Variants in CCNY observed in about 807,000 individuals in gnomAD.
The protein encoded by CCNY is cyclin Y.
CCNY carries 19 observed loss-of-function variants against 42.8 expected under a neutral mutation model. That is an observed-to-expected ratio of 0.44 (90% CI 0.31 to 0.65). CCNY has a LOEUF of 0.65. Among genes scored for constraint, CCNY ranks in the 30% least tolerant of loss-of-function variants. The probability of loss-of-function intolerance (pLI) is 0.07; values close to 1 mark genes in which losing one functional copy is unlikely to be tolerated. For synonymous variants in CCNY, 165 were observed against 162.7 expected (o/e 1.01, Z -0.11); for missense variants, 370 against 437.3 (o/e 0.85, Z 1.37).
chr10:35,397,754 G>C (rs1438554562), intron 1 of CCNY, among the ~76,000 whole-genome samples: 3 of 152,152 alleles, frequency 2.0e-5, no homozygotes, highest in Non-Finnish European at 4.4e-5. Context: ...TATCAGAAAT[G>C]GCCCCAGCTG....
In CCNY at chr10:35,323,934, C is replaced by T. The variant is rs541038628; in HGVS notation, c.-9+73308C>T. Reference sequence around the variant, plus strand: ...ACTCAGGAGGCTGATATAGGAGAATCGCTTGAACCTAGGAGGCAGAGGTTG... The same window carrying T: ...ACTCAGGAGGCTGATATAGGAGAATTGCTTGAACCTAGGAGGCAGAGGTTG... On this transcript the variant is annotated intron_variant, in intron 3 of 11. Transcript: ENST00000374706. Among the ~76,000 whole-genome samples, 6 of 151,762 alleles carry T rather than the reference C, an allele frequency of 4.0e-5. No homozygotes were observed. The East Asian group carries it at 7.7e-4, about 20-fold the overall frequency.
intron 3 of CCNY, among the ~76,000 whole-genome samples, chr10:35,268,540 C>T (rs1388524744): frequency 6.6e-6 from 1 of 152,158 alleles, no homozygotes; most frequent in Non-Finnish European, 1.5e-5. Flanking sequence ...GTGCTGGTGG[C>T]CCCACAAGTC....
intron 1 of CCNY, among the ~76,000 whole-genome samples, chr10:35,476,062 A>T (rs535417733): frequency 7.9e-5 from 12 of 152,360 alleles, no homozygotes; most frequent in Non-Finnish European, 1.2e-4. Flanking sequence ...TGGTAAAGGG[A>T]TCAATTCAAC....
At chr10:35,331,318 A>G (rs1450113611) in intron 3 of CCNY, among the ~76,000 whole-genome samples, 1 of 152,182 alleles carries the variant, frequency 6.6e-6, no homozygotes, top group Non-Finnish European at 1.5e-5. Flanking sequence ...AGGATCCCAC[A>G]TATATATACC....
chr10:35,397,409 C>T (rs895185239), intron 1 of CCNY, among the ~76,000 whole-genome samples: 2 of 152,212 alleles, frequency 1.3e-5, no homozygotes, highest in Non-Finnish European at 2.9e-5. Context: ...CTCTTGCTTC[C>T]TTCCCCCCTT....
intron 1 of CCNY, among the ~76,000 whole-genome samples, chr10:35,376,340 T>C (rs1376055532): frequency 1.3e-5 from 2 of 152,178 alleles, no homozygotes; most frequent in African/African-American, 4.8e-5. Flanking sequence ...TGAAAACATG[T>C]TTATACAAAA....
intron 1 of CCNY, among the ~76,000 whole-genome samples, chr10:35,422,075 A>G (rs1838170115): frequency 1.3e-5 from 2 of 152,182 alleles, no homozygotes; most frequent in Admixed American, 6.5e-5. Context: ...GCTATTCTAT[A>G]TTCTTTTTAA....
At chr10:35,395,942 G>T (rs937793246) in intron 1 of CCNY, among the ~76,000 whole-genome samples, 1 of 152,018 alleles carries the variant, frequency 6.6e-6, no homozygotes, top group South Asian at 2.1e-4. Flanking sequence ...CCCAGTGTGC[G>T]GGTGTTGTGG....
At chr10:35,516,489 T>TA in intron 3 of CCNY, 34 bp from the exon 4 acceptor site, 1 of 1,425,790 alleles carries the variant, frequency 7.0e-7, no homozygotes, top group South Asian at 1.1e-5. Context: ...GAGCCCTGTG[T>TA]AATTGCCTTA....
intron 1 of CCNY, among the ~76,000 whole-genome samples, chr10:35,372,383 G>T (rs1396866533): frequency 1.3e-5 from 2 of 152,212 alleles, no homozygotes; most frequent in Non-Finnish European, 2.9e-5. Context: ...GTCTTCTGTG[G>T]TCTTAGTCCT....
chr10:35,451,794 A>G (rs1056973438), intron 1 of CCNY, among the ~76,000 whole-genome samples: 9 of 152,102 alleles, frequency 5.9e-5, no homozygotes, highest in African/African-American at 2.2e-4. Context: ...CCAGCAGGTC[A>G]TTACCACCTC....
At chr10:35,482,002 A>T (rs901882784) in intron 1 of CCNY, among the ~76,000 whole-genome samples, 3 of 152,234 alleles carry the variant, frequency 2.0e-5, no homozygotes, top group Non-Finnish European at 4.4e-5. Flanking sequence ...ATAATACAAG[A>T]AGGATCAGAT....
intron 1 of CCNY, among the ~76,000 whole-genome samples, chr10:35,369,822 TAG>T (rs1836889474): frequency 6.6e-6 from 1 of 152,244 alleles, no homozygotes; most frequent in African/African-American, 2.4e-5. Context: ...ATATTTTTAT[TAG>T]AGGTGACCAA....
At chr10:35,253,669 A>G (rs1199803785) in intron 3 of CCNY, among the ~76,000 whole-genome samples, 1 of 151,624 alleles carries the variant, frequency 6.6e-6, no homozygotes, top group African/African-American at 2.4e-5. Context: ...ATTCTCAATT[A>G]TATTTATTCC....
intron 3 of CCNY, among the ~76,000 whole-genome samples, chr10:35,273,362 C>T (rs942394488): frequency 3.3e-5 from 5 of 151,960 alleles, no homozygotes; most frequent in African/African-American, 7.3e-5. Context: ...CCACCATGCC[C>T]GGCTCATTTT....
At chr10:35,522,718 T>G (rs1226712341) in intron 4 of CCNY, among the ~76,000 whole-genome samples, 1 of 152,208 alleles carries the variant, frequency 6.6e-6, no homozygotes, top group Non-Finnish European at 1.5e-5. Flanking sequence ...AGGATGATGG[T>G]TGATTACCAA....
chr10:35,409,913 A>G (rs1837866892), intron 1 of CCNY, among the ~76,000 whole-genome samples: 1 of 151,632 alleles, frequency 6.6e-6, no homozygotes, highest in African/African-American at 2.4e-5. Context: ...TGCCTGGCTA[A>G]TTTATTTTTT....
intron 1 of CCNY, among the ~76,000 whole-genome samples, chr10:35,391,800 T>C (rs1837419636): frequency 6.6e-6 from 1 of 152,114 alleles, no homozygotes; most frequent in South Asian, 2.1e-4. Context: ...TTCTTCTCCC[T>C]GCCCCTCCTC....
At chr10:35,461,850 C>A (rs1839164112) in intron 1 of CCNY, among the ~76,000 whole-genome samples, 1 of 152,078 alleles carries the variant, frequency 6.6e-6, no homozygotes. Flanking sequence ...GTGTTAGCAT[C>A]TTCATTTGTC....
Sources: allele counts gnomAD v4.1 joint callset (sites outside exome capture counted in the v4.1 genomes callset), GRCh38; gene constraint gnomAD v4.1.1; transcripts MANE v1.5; gene names NCBI Gene and HGNC (gene_info 2026-07-23, HGNC 2026-07-21).